The following RGS7 variants were observed in gnomAD, a reference collection of about 807,000 sequenced individuals.
The protein encoded by RGS7 is regulator of G-protein signaling 7.
In RGS7, 27 loss-of-function variants were observed where a neutral mutation model predicts 81.1. The observed-to-expected ratio is 0.33, with a 90% CI of 0.25 to 0.46. The LOEUF (loss-of-function observed/expected upper bound fraction) is 0.46. RGS7 is among the 20% of genes least tolerant of loss of function. RGS7 has a pLI of 1.00. For missense variants in RGS7, 396 were observed against 607.4 expected (o/e 0.65, Z 3.66); for synonymous variants, 208 against 207.7 (o/e 1.00, Z -0.01).
At chr1:240,887,236 T>TTTTTTG (rs58179294) in intron 6 of RGS7, among the ~76,000 whole-genome samples, 1 of 149,216 alleles carries the variant, frequency 6.7e-6, no homozygotes, top group African/African-American at 2.5e-5. Flanking sequence ...GTTTTTTTTT[T>TTTTTTG]TTTTTTTTTT....
intron 2 of RGS7, among the ~76,000 whole-genome samples, chr1:241,101,325 G>A (rs893112846): frequency 2.4e-4 from 37 of 151,986 alleles, no homozygotes; most frequent in African/African-American, 8.4e-4. Flanking sequence ...GCGCAACCCT[G>A]TCTCTACTAA....
chr1:241,351,262 CA>C, intron 2 of RGS7, among the ~76,000 whole-genome samples: 1 of 151,776 alleles, frequency 6.6e-6, no homozygotes, highest in Admixed American at 6.6e-5. Flanking sequence ...CTAGAAAAAA[CA>C]AAAAAATTAT....
chr1:241,068,750 C>T (rs2062245904), intron 3 of RGS7, among the ~76,000 whole-genome samples: 1 of 152,108 alleles, frequency 6.6e-6, no homozygotes, highest in Admixed American at 6.6e-5. Flanking sequence ...ATGGATGCAG[C>T]TTAGACGTTG....
At chr1:241,178,173 T>C (rs2071305029) in intron 2 of RGS7, among the ~76,000 whole-genome samples, 1 of 152,044 alleles carries the variant, frequency 6.6e-6, no homozygotes, top group South Asian at 2.1e-4. Context: ...GCATCTGTAG[T>C]CCCAGCTATT....
intron 10 of RGS7, chr1:240,823,386 G>A (rs1465808814): frequency 4.5e-6 from 2 of 442,170 alleles, no homozygotes; most frequent in African/African-American, 2.0e-5. Context: ...AGCCACGGCC[G>A]AAGCCCCGCA....
chr1:241,296,275 G>A (rs2079419190), intron 2 of RGS7, among the ~76,000 whole-genome samples: 2 of 152,142 alleles, frequency 1.3e-5, no homozygotes, highest in Non-Finnish European at 2.9e-5. Flanking sequence ...AGTAGCCGCT[G>A]ACACAGCCAG....
intron 2 of RGS7, among the ~76,000 whole-genome samples, chr1:241,237,422 T>A (rs751725045): frequency 1.3e-4 from 19 of 151,942 alleles, no homozygotes; most frequent in African/African-American, 3.4e-4. Flanking sequence ...GAGCAGTGAG[T>A]TATTTCAAAC....
At chr1:241,214,924 T>A (rs2074458921) in intron 2 of RGS7, among the ~76,000 whole-genome samples, 1 of 152,222 alleles carries the variant, frequency 6.6e-6, no homozygotes, top group Admixed American at 6.5e-5. Context: ...ACTATAACTT[T>A]AACCATTATA....
intron 2 of RGS7, among the ~76,000 whole-genome samples, chr1:241,182,426 G>A (rs1214969281): frequency 6.6e-6 from 1 of 152,136 alleles, no homozygotes; most frequent in Non-Finnish European, 1.5e-5. Context: ...GGCTTACAAA[G>A]CATTTGGGAC....
chr1:240,787,795 T>C (rs1489552528), intron 18 of RGS7, among the ~76,000 whole-genome samples: 1 of 152,142 alleles, frequency 6.6e-6, no homozygotes, highest in Non-Finnish European at 1.5e-5. Flanking sequence ...CGAAGAAACC[T>C]AGCAGCAAAA....
At chr1:241,229,536 G>A (rs774812351) in intron 2 of RGS7, among the ~76,000 whole-genome samples, 1 of 152,182 alleles carries the variant, frequency 6.6e-6, no homozygotes. Flanking sequence ...AAAGCTCTCC[G>A]AAACCGCCTT....
intron 5 of RGS7, among the ~76,000 whole-genome samples, chr1:240,932,230 G>A (rs1017401372): frequency 3.9e-5 from 6 of 152,030 alleles, no homozygotes; most frequent in Admixed American, 3.3e-4. Context: ...GTTCTTTCTT[G>A]GGAATTACAG....
chr1:240,822,951 A>T (rs1692071328), intron 10 of RGS7: 1 of 481,850 alleles, frequency 2.1e-6, no homozygotes, highest in Non-Finnish European at 3.8e-6. Context: ...TGAACGAATA[A>T]ATAATACATT....
chr1:241,135,241 A>G lies in RGS7; in HGVS notation c.79-36479T>C, dbSNP rs182643972. 6.1e-3 allele frequency among the ~76,000 whole-genome samples: 926 copies of G among 152,262 alleles called. 5 individuals carry two copies. The highest frequency in any genetic ancestry group is 0.021 in the African/African-American group (882 of 41,572). ...GGAGATGGAGACCATCCTGGCTAACACGGTGAAACCCTGTCTCTACTAAAA... is the reference window on the plus strand; with the variant it reads ...GGAGATGGAGACCATCCTGGCTAACGCGGTGAAACCCTGTCTCTACTAAAA... On this transcript the variant is annotated intron_variant, in intron 2 of 18. Coordinates refer to ENST00000440928, the MANE Select transcript of RGS7 (RefSeq NM_001364886.1).
At chr1:240,895,471 T>C (rs1339774307) in intron 6 of RGS7, among the ~76,000 whole-genome samples, 1 of 152,000 alleles carries the variant, frequency 6.6e-6, no homozygotes, top group Non-Finnish European at 1.5e-5. Flanking sequence ...CGGTGTGTGA[T>C]GTTCCCCATC....
chr1:240,902,820 CTT>C (rs1670226513), intron 6 of RGS7, among the ~76,000 whole-genome samples: 1 of 152,100 alleles, frequency 6.6e-6, no homozygotes, highest in South Asian at 2.1e-4. Flanking sequence ...ATATTAGTAA[CTT>C]ATCATAACAT....
At chr1:241,095,053 AGATAG>A (rs1168068041) in intron 3 of RGS7, among the ~76,000 whole-genome samples, 1 of 152,160 alleles carries the variant, frequency 6.6e-6, no homozygotes, top group Non-Finnish European at 1.5e-5. Context: ...AAAAGTCATT[AGATAG>A]GCTGGGGTGG....
chr1:240,859,243 T>C (rs1661705383), intron 9 of RGS7, among the ~76,000 whole-genome samples: 1 of 152,096 alleles, frequency 6.6e-6, no homozygotes, highest in African/African-American at 2.4e-5. Context: ...CAACTGATCC[T>C]CCTGTCTCGG....
intron 2 of RGS7, among the ~76,000 whole-genome samples, chr1:241,129,402 G>C (rs990781186): frequency 6.6e-6 from 1 of 152,098 alleles, no homozygotes; most frequent in African/African-American, 2.4e-5. Flanking sequence ...TCCGTATTCT[G>C]ACTCTACATT....
Sources: gnomAD v4.1 joint callset for allele counts (sites outside exome capture counted in the v4.1 genomes callset) on GRCh38, gnomAD v4.1.1 for gene constraint, MANE v1.5 for transcripts, NCBI Gene and HGNC (gene_info 2026-07-23, HGNC 2026-07-21) for gene names.